The following TRPM3 variants were observed in gnomAD, a reference collection of about 807,000 sequenced individuals.
TRPM3 encodes transient receptor potential cation channel subfamily M member 3.
TRPM3 carries 77 observed loss-of-function variants against 181.2 expected under a neutral mutation model. That is an observed-to-expected ratio of 0.42 (90% CI 0.35 to 0.51). The LOEUF is 0.51. Among genes scored for constraint, TRPM3 ranks in the 20% least tolerant of loss-of-function variants. TRPM3 has a pLI of 0.01. For synonymous variants in TRPM3, 745 were observed against 796.4 expected (o/e 0.94, Z 1.09); for missense variants, 1,759 against 2,196.7 (o/e 0.80, Z 3.98).
At chr9:71,078,481 C>A (rs2133696294) in intron 1 of TRPM3, among the ~76,000 whole-genome samples, 1 of 152,216 alleles carries the variant, frequency 6.6e-6, no homozygotes, top group South Asian at 2.1e-4. Context: ...GAGATGTTAA[C>A]AATATTTTTC....
At chr9:70,618,349 GT>G (rs1188122690) in intron 17 of TRPM3, among the ~76,000 whole-genome samples, 2 of 152,170 alleles carry the variant, frequency 1.3e-5, no homozygotes, top group Non-Finnish European at 1.5e-5. Flanking sequence ...TCTGTGACTT[GT>G]TTTTCTTCAT....
intron 1 of TRPM3, among the ~76,000 whole-genome samples, chr9:71,302,846 T>C (rs1020966754): frequency 4.0e-5 from 6 of 150,908 alleles, no homozygotes; most frequent in Non-Finnish European, 7.4e-5. Flanking sequence ...TTGTAAGTTA[T>C]AGTATGGACT....
chr9:70,810,421 T>A (rs1236895038), intron 6 of TRPM3, among the ~76,000 whole-genome samples: 3 of 151,338 alleles, frequency 2.0e-5, no homozygotes, highest in African/African-American at 7.3e-5. Flanking sequence ...CCCTGTTCTA[T>A]GGGTACATGA....
intron 1 of TRPM3, among the ~76,000 whole-genome samples, chr9:71,034,366 G>A (rs1818516996): frequency 6.6e-6 from 1 of 152,106 alleles, no homozygotes; most frequent in South Asian, 2.1e-4. Context: ...CCAAGAAGAG[G>A]TAAATCTTAC....
chr9:71,049,157 G>A (rs748114298), intron 1 of TRPM3, among the ~76,000 whole-genome samples: 1 of 151,996 alleles, frequency 6.6e-6, no homozygotes, highest in Non-Finnish European at 1.5e-5. Flanking sequence ...GTCATTGCTC[G>A]AGAGTCAGCA....
chr9:71,000,515 A>C (rs1322841562), intron 1 of TRPM3, among the ~76,000 whole-genome samples: 1 of 152,178 alleles, frequency 6.6e-6, no homozygotes, highest in Non-Finnish European at 1.5e-5. Flanking sequence ...AATCTTTCTT[A>C]AGTTGGGGTC....
At chr9:71,143,894 T>A (rs59726904) in intron 1 of TRPM3, among the ~76,000 whole-genome samples, 14,616 of 152,176 alleles carry the variant, frequency 0.096, 836 homozygotes, top group African/African-American at 0.15. Context: ...GACTGGTATC[T>A]CTGATGGTAT....
intron 2 of TRPM3, among the ~76,000 whole-genome samples, chr9:70,863,402 G>T (rs1204678617): frequency 6.6e-6 from 1 of 152,038 alleles, no homozygotes. Flanking sequence ...TTCAGGATTG[G>T]ACATCTGCAA....
At chr9:71,204,530 T>C (rs1587941635) in intron 1 of TRPM3, among the ~76,000 whole-genome samples, 1 of 152,192 alleles carries the variant, frequency 6.6e-6, no homozygotes, top group East Asian at 1.9e-4. Context: ...CTCACACCAG[T>C]TAGAATGGTG....
At chr9:71,388,354 G>C (rs2092977587) in intron 1 of TRPM3, among the ~76,000 whole-genome samples, 1 of 151,914 alleles carries the variant, frequency 6.6e-6, no homozygotes, top group African/African-American at 2.4e-5. Flanking sequence ...GTAAGCGCCT[G>C]GGTGATGAGA....
rs144106724 is a variant in TRPM3, at chr9:70,786,680, C to T, written c.974-2401G>A. Among the ~76,000 whole-genome samples the T allele has an allele frequency of 3.2e-3, 487 of 152,258 alleles. 5 individuals carry two copies. Among genetic ancestry groups the T allele is most frequent in the African/African-American group, 0.011 (439 of 41,562 alleles). On this transcript the variant is annotated intron_variant, in intron 6 of 25. Coordinates refer to ENST00000677713, the MANE Select transcript of TRPM3 (RefSeq NM_001366145.2). ...TTATGAAGTATTTCCCAAAGTATTA[C>T]GTTGGTGCAAAAGTAATTGTGTTTT...
chr9:71,031,966 T>TA (rs1180890012), intron 1 of TRPM3, among the ~76,000 whole-genome samples: 1 of 156 alleles, frequency 6.4e-3, no homozygotes, highest in African/African-American at 0.033. Context: ...TAATTATATA[T>TA]ATATATTATA....
intron 1 of TRPM3, among the ~76,000 whole-genome samples, chr9:71,213,313 A>G (rs1441072530): frequency 2.0e-5 from 3 of 152,192 alleles, no homozygotes; most frequent in African/African-American, 7.2e-5. Flanking sequence ...CATTAAAAAA[A>G]TTTTAAATAC....
chr9:70,632,963 A>G (rs2066161513), intron 12 of TRPM3, among the ~76,000 whole-genome samples: 1 of 152,254 alleles, frequency 6.6e-6, no homozygotes, highest in Admixed American at 6.5e-5. Flanking sequence ...TGGGGAAAAG[A>G]AAGTAATGAG....
At chr9:70,743,106 G>A (rs926146957) in intron 8 of TRPM3, among the ~76,000 whole-genome samples, 2 of 152,160 alleles carry the variant, frequency 1.3e-5, no homozygotes, top group Non-Finnish European at 2.9e-5. Context: ...AAGTCACACA[G>A]GTGGGATATT....
intron 1 of TRPM3, among the ~76,000 whole-genome samples, chr9:71,388,776 A>T (rs2092989663): frequency 6.6e-6 from 1 of 152,112 alleles, no homozygotes. Flanking sequence ...CAATTTCCCT[A>T]ATGTGGCTTC....
chr9:70,841,009 AAC>A (rs1371809852), intron 5 of TRPM3, among the ~76,000 whole-genome samples: 4 of 152,178 alleles, frequency 2.6e-5, no homozygotes, highest in Admixed American at 2.0e-4. Context: ...CTTTTGAATC[AAC>A]ACATTTTAAA....
chr9:70,893,569 G>C (rs2096242259), intron 1 of TRPM3, among the ~76,000 whole-genome samples: 1 of 152,078 alleles, frequency 6.6e-6, no homozygotes, highest in Non-Finnish European at 1.5e-5. Flanking sequence ...ATTTCTAGTA[G>C]TAATTTTGAT....
In TRPM3 at chr9:70,618,942, C is replaced by T. The variant is rs906958507; in HGVS notation, c.2283G>A (p.Ala761=). 25 of 1,613,494 alleles carry T rather than the reference C, an allele frequency of 1.5e-5. No individual in the cohort carries two copies. The highest frequency in any genetic ancestry group is 2.2e-5 in the South Asian group (2 of 91,084). ...TGAGCAGCATCTGGCTGCACGTGTG[C>T]GCGATGAAGTCGCGGTGTTTGGCAG... ...AVAAKHRDFI[A]HTCSQMLLTD... The change falls in exon 17 of 26, where the codon GCG becomes GCA. Residue 761 remains alanine, a synonymous_variant. Coordinates refer to ENST00000677713, the MANE Select transcript of TRPM3 (RefSeq NM_001366145.2).
Sources: gnomAD v4.1 joint callset for allele counts (sites outside exome capture counted in the v4.1 genomes callset) on GRCh38, gnomAD v4.1.1 for gene constraint, MANE v1.5 for transcripts, NCBI Gene and HGNC (gene_info 2026-07-23, HGNC 2026-07-21) for gene names.